The following CELF2 variants were observed in gnomAD, a reference collection of about 807,000 sequenced individuals.
CELF2 encodes CUGBP Elav-like family member 2.
A neutral mutation model predicts 62.6 loss-of-function variants in CELF2; 8 were observed. The observed-to-expected ratio is 0.13, with a 90% confidence interval of 0.07 to 0.23. The LOEUF (loss-of-function observed/expected upper bound fraction) is 0.23, where lower values mean the gene tolerates loss of function less well. Among genes scored for constraint, CELF2 ranks in the 10% least tolerant of loss-of-function variants. CELF2 has a pLI of 1.00. For missense variants in CELF2, 333 were observed against 671.0 expected, an observed-to-expected ratio of 0.50 and a Z score of 5.56; for synonymous variants, 258 against 250.0, an observed-to-expected ratio of 1.03 and a Z score of -0.30.
the CELF2 span, among the ~76,000 whole-genome samples, chr10:10,693,875 TA>T: frequency 0.093 from 14,098 of 152,092 alleles, 877 homozygotes; most frequent in Non-Finnish European, 0.13. Context: ...TATCATTTTT[TA>T]TTGCGTCTAT....
chr10:10,623,244 A>G, the CELF2 span, among the ~76,000 whole-genome samples: 1 of 152,064 alleles, frequency 6.6e-6, no homozygotes, highest in South Asian at 2.1e-4. Flanking sequence ...TTCCCAAAGG[A>G]GGCTCTTCTT....
chr10:10,729,040 G>A, the CELF2 span, among the ~76,000 whole-genome samples: 1 of 152,178 alleles, frequency 6.6e-6, no homozygotes, highest in Non-Finnish European at 1.5e-5. Flanking sequence ...TGGGAGAGAT[G>A]TAATTTGGCT....
chr10:10,878,226 G>A (rs2061233988), intron 1 of CELF2, among the ~76,000 whole-genome samples: 1 of 152,078 alleles, frequency 6.6e-6, no homozygotes, highest in Non-Finnish European at 1.5e-5. Flanking sequence ...CTGCTAGAAG[G>A]AAAGATATTG....
intron 1 of CELF2, among the ~76,000 whole-genome samples, chr10:10,822,242 C>T (rs978345168): frequency 2.0e-5 from 3 of 152,216 alleles, no homozygotes; most frequent in Admixed American, 1.3e-4. Context: ...AGGGGCCATG[C>T]CGCCCTGTGA....
chr10:10,496,611 G>A, the CELF2 span, among the ~76,000 whole-genome samples: 1 of 152,180 alleles, frequency 6.6e-6, no homozygotes, highest in African/African-American at 2.4e-5. Context: ...TGCCCCTAAG[G>A]AGGTCACCAG....
At chr10:10,555,346 G>A in the CELF2 span, among the ~76,000 whole-genome samples, 1 of 151,544 alleles carries the variant, frequency 6.6e-6, no homozygotes, top group South Asian at 2.1e-4. Context: ...TCTATGGTAA[G>A]GTGTGATGGC....
rs186724424 is a variant in CELF2, at chr10:10,858,945, T to A, written c.53+60128T>A. On this transcript the variant is annotated intron_variant, in intron 1 of 13. Coordinates refer to the CELF2 transcript ENST00000636488. ...ATAAATTAACACTAGGACAGTGTGG[T>A]CTCTTTATCTTTTGTACAATTTTTA... 7.2e-5 allele frequency among the ~76,000 whole-genome samples: 11 copies of A among 152,290 alleles called. No homozygotes were observed. In the East Asian group the frequency reaches 2.1e-3, roughly 29 times the overall value.
chr10:10,987,083 G>A (rs534748508), intron 2 of CELF2, among the ~76,000 whole-genome samples: 4 of 152,276 alleles, frequency 2.6e-5, no homozygotes, highest in South Asian at 2.1e-4. Flanking sequence ...TGGTCCTACC[G>A]TCTCAATTGC....
Position 10,950,023 on chromosome 10 carries a change from C to T in CELF2, c.89+30024C>T, listed in dbSNP as rs138210350. Among the ~76,000 whole-genome samples, 225 of 152,246 alleles carry T rather than the reference C, an allele frequency of 1.5e-3. 2 individuals carry two copies. Among genetic ancestry groups the T allele is most frequent in the African/African-American group, 4.8e-3 (200 of 41,558 alleles). On this transcript the variant is annotated intron_variant, in intron 2 of 13. Coordinates refer to the CELF2 transcript ENST00000636488. Reference sequence around the variant, plus strand: ...ACCTTTGGTTGCTTGACAGTCTTCTCTGATTACCTTGGCAATGCCTGGGAC... The same window carrying T: ...ACCTTTGGTTGCTTGACAGTCTTCTTTGATTACCTTGGCAATGCCTGGGAC...
Position 11,290,258 on chromosome 10 carries a change from G to A in CELF2, c.976+1706G>A, listed in dbSNP as rs755847346. ...CTGTGACAGAATCCCACTGAACAAGGGGAAAGGGGACTGGAGGAGGTGACC... is the reference window on the plus strand; with the variant it reads ...CTGTGACAGAATCCCACTGAACAAGAGGAAAGGGGACTGGAGGAGGTGACC... On this transcript the variant is annotated intron_variant, in intron 9 of 12. Coordinates refer to ENST00000633077, the MANE Select transcript of CELF2 (RefSeq NM_001326342.2). This position sits in a 1 kb window ranked among gnomAD's most constrained non-coding sequence, Gnocchi z 4.3. Among the ~76,000 whole-genome samples, 8 of 152,146 alleles carry A rather than the reference G, an allele frequency of 5.3e-5. No homozygotes were observed. Among genetic ancestry groups the A allele is most frequent in the Non-Finnish European group, 1.2e-4 (8 of 68,026 alleles).
the CELF2 span, among the ~76,000 whole-genome samples, chr10:10,594,031 C>A: frequency 6.6e-6 from 1 of 152,142 alleles, no homozygotes; most frequent in African/African-American, 2.4e-5. Flanking sequence ...TATGGATTTG[C>A]AGATGATGGG....
intron 1 of CELF2, among the ~76,000 whole-genome samples, chr10:11,102,777 T>C (rs1359819028): frequency 6.6e-6 from 1 of 152,206 alleles, no homozygotes; most frequent in Admixed American, 6.5e-5. Flanking sequence ...GGAAGTCTTA[T>C]AAAACTCAAC....
chr10:11,108,773 G>A (rs977865560), intron 1 of CELF2, among the ~76,000 whole-genome samples: 2 of 152,072 alleles, frequency 1.3e-5, no homozygotes, highest in Admixed American at 1.3e-4. Flanking sequence ...TTTCATTTAC[G>A]TTTCTCTGAT....
At chr10:10,979,747 C>A (rs899049076) in intron 2 of CELF2, among the ~76,000 whole-genome samples, 2 of 150,618 alleles carry the variant, frequency 1.3e-5, no homozygotes, top group African/African-American at 4.9e-5. Flanking sequence ...ATCTAAGGAG[C>A]GAATCAAAGT....
In CELF2 at chr10:10,805,745, TAGAG is replaced by T. The variant is rs1322975574; in HGVS notation, c.53+6933_53+6936del. On this transcript the variant is annotated intron_variant, in intron 1 of 13. Transcript: ENST00000636488. Reference sequence around the variant, plus strand: ...GAGGAGCCCGGCTGGAGTTTGATCATAGAGAGAGTCTTTAGGAGTCCTTTTCTTG... The same window carrying T: ...GAGGAGCCCGGCTGGAGTTTGATCATAGAGTCTTTAGGAGTCCTTTTCTTG... Among the ~76,000 whole-genome samples the T allele has an allele frequency of 4.6e-5, 7 of 152,172 alleles. No individual in the cohort carries two copies. The South Asian group carries it at 8.3e-4, about 18-fold the overall frequency.
At chr10:10,512,579 CT>C in the CELF2 span, among the ~76,000 whole-genome samples, 1 of 151,790 alleles carries the variant, frequency 6.6e-6, no homozygotes, top group East Asian at 2.0e-4. Flanking sequence ...GCCCGGCTAA[CT>C]TTTTTTGTAT....
the CELF2 span, among the ~76,000 whole-genome samples, chr10:10,523,687 T>C: frequency 6.6e-5 from 10 of 152,306 alleles, 1 homozygote; most frequent in African/African-American, 2.4e-4. Context: ...TAAACACTTA[T>C]TGAACACATT....
intron 1 of CELF2, among the ~76,000 whole-genome samples, chr10:10,872,176 C>T (rs1224254472): frequency 6.6e-6 from 1 of 152,138 alleles, no homozygotes; most frequent in Non-Finnish European, 1.5e-5. Context: ...ATCTTTTTGG[C>T]AAGTACTTAA....
chr10:11,058,463 T>TTTTTTG (rs1564557497), intron 1 of CELF2, among the ~76,000 whole-genome samples: 1 of 82,954 alleles, frequency 1.2e-5, no homozygotes, highest in African/African-American at 4.8e-5. Flanking sequence ...TTTTGTTGGT[T>TTTTTTG]TTTTTTTTTT....
Sources: gnomAD v4.1 joint callset for allele counts (sites outside exome capture counted in the v4.1 genomes callset) on GRCh38, gnomAD v4.1.1 for gene constraint, Gnocchi (gnomAD v3.1) non-coding constraint, MANE v1.5 for transcripts, NCBI Gene and HGNC (gene_info 2026-07-23, HGNC 2026-07-21) for gene names.